RAPGEF6: variants seen among roughly 807,000 people sequenced by gnomAD.
RAPGEF6 encodes PDZ domain containing guanine nucleotide exchange factor (GEF) 2.
In RAPGEF6, 56 loss-of-function variants were observed where a neutral mutation model predicts 171.4. The ratio of observed to expected loss-of-function variants is 0.33; its 90% CI spans 0.26 to 0.41. The LOEUF (loss-of-function observed/expected upper bound fraction) is 0.41. Among genes scored for constraint, RAPGEF6 ranks in the 10% least tolerant of loss-of-function variants. The pLI is 1.00. For missense variants in RAPGEF6, 1,674 were observed against 1,921.4 expected (o/e 0.87, Z 2.41); for synonymous variants, 692 against 650.1 (o/e 1.06, Z -0.98).
intron 1 of RAPGEF6, among the ~76,000 whole-genome samples, chr5:131,616,530 T>G (rs1580683856): frequency 1.3e-5 from 2 of 152,316 alleles, no homozygotes; most frequent in South Asian, 2.1e-4. Flanking sequence ...CAACCAAAAC[T>G]TGGAAAACTC....
At chr5:131,507,997 C>A (rs906796591) in intron 9 of RAPGEF6, 74 bp downstream of exon 9, 7 of 1,312,708 alleles carry the variant, frequency 5.3e-6, no homozygotes, top group Admixed American at 5.2e-5. Context: ...AAAATCAGGA[C>A]AAATTTATGG....
At chr5:131,604,832 T>G in intron 1 of RAPGEF6, 139 bp from the exon 2 acceptor site, 2 of 1,117,268 alleles carry the variant, frequency 1.8e-6, no homozygotes, top group Non-Finnish European at 2.5e-6. Context: ...AACCTCTGAA[T>G]CATAAAAGAT....
At chr5:131,496,505 C>A (rs2149878725) in intron 12 of RAPGEF6, among the ~76,000 whole-genome samples, 1 of 152,282 alleles carries the variant, frequency 6.6e-6, no homozygotes, top group Middle Eastern at 3.4e-3. Flanking sequence ...ACTCATTAAG[C>A]TTTCACTTCC....
intron 6 of RAPGEF6, among the ~76,000 whole-genome samples, chr5:131,544,646 T>C (rs1014124800): frequency 6.6e-6 from 1 of 152,198 alleles, no homozygotes; most frequent in African/African-American, 2.4e-5. Context: ...AGGTTTATTA[T>C]ACATATGTCA....
chr5:131,579,162 G>C (rs1762778198), intron 4 of RAPGEF6, among the ~76,000 whole-genome samples: 1 of 152,210 alleles, frequency 6.6e-6, no homozygotes, highest in South Asian at 2.1e-4. Flanking sequence ...CTCTGGAGTT[G>C]TTCGCTCCTC....
chr5:131,550,042 C>T (rs1231249707), intron 5 of RAPGEF6, among the ~76,000 whole-genome samples: 1 of 152,056 alleles, frequency 6.6e-6, no homozygotes, highest in Non-Finnish European at 1.5e-5. Flanking sequence ...TTCTCAGCAC[C>T]CCTGCTTGTC....
At chr5:131,494,685 CAT>C (rs1305423399) in intron 13 of RAPGEF6, among the ~76,000 whole-genome samples, 8 of 152,160 alleles carry the variant, frequency 5.3e-5, no homozygotes, top group Admixed American at 1.3e-4. Context: ...ATAGTCATCA[CAT>C]GTGTGTTTTA....
intron 6 of RAPGEF6, among the ~76,000 whole-genome samples, chr5:131,544,392 C>T (rs1184206987): frequency 1.3e-5 from 2 of 151,998 alleles, no homozygotes; most frequent in East Asian, 3.8e-4. Flanking sequence ...AATTGATGCA[C>T]ACGACAGGGA....
intron 13 of RAPGEF6, among the ~76,000 whole-genome samples, chr5:131,494,208 A>G (rs139681196): frequency 4.6e-5 from 7 of 152,358 alleles, no homozygotes; most frequent in Middle Eastern, 3.4e-3. Flanking sequence ...CTGAGTTTAC[A>G]AATCTAGCAA....
Position 131,461,919 on chromosome 5 carries a change from A to G in RAPGEF6, c.2650T>C (p.Tyr884His). ...DLFRNIEPTEYIDDLFKLNSK... is the reference protein window; with the variant it reads ...DLFRNIEPTEHIDDLFKLNSK... ...TTTAACTTAAAAAGGTCATCGATGT[A>G]CTCAGTCGGTTCAATATTACGAAAC... The change falls in exon 19 of 28, where the codon TAC (tyrosine) becomes CAC (histidine). Residue 884 changes from tyrosine to histidine, a missense_variant. By Grantham distance (83) the Tyr-to-His change is moderately conservative (BLOSUM62 2). This residue lies in a region of RAPGEF6 where 1,116 missense variants were observed against 1,321.5 expected (regional missense o/e 0.84). Transcript: ENST00000509018. 3.1e-6 allele frequency: 5 copies of G among 1,614,136 alleles called. No individual in the cohort carries two copies. Among genetic ancestry groups the G allele is most frequent in the Non-Finnish European group, 3.4e-6 (4 of 1,179,992 alleles).
intron 15 of RAPGEF6, among the ~76,000 whole-genome samples, chr5:131,487,954 C>A (rs1234392418): frequency 1.3e-5 from 2 of 151,836 alleles, no homozygotes; most frequent in African/African-American, 2.4e-5. Flanking sequence ...ATTAAAATTC[C>A]AGAATAGAAA....
intron 3 of RAPGEF6, among the ~76,000 whole-genome samples, chr5:131,601,154 C>T (rs1047939872): frequency 4.6e-5 from 7 of 151,200 alleles, no homozygotes; most frequent in African/African-American, 9.7e-5. Flanking sequence ...GAGGCCGAGG[C>T]GGGTGGATCA....
At chr5:131,450,914 A>G (rs1178365861) in intron 21 of RAPGEF6, among the ~76,000 whole-genome samples, 2 of 152,198 alleles carry the variant, frequency 1.3e-5, no homozygotes, top group Non-Finnish European at 2.9e-5. Flanking sequence ...TCCTTTGCTC[A>G]TTACTGAAGT....
At chr5:131,623,201 T>C (rs1216913300) in intron 1 of RAPGEF6, among the ~76,000 whole-genome samples, 1 of 152,178 alleles carries the variant, frequency 6.6e-6, no homozygotes, top group African/African-American at 2.4e-5. Context: ...TAATCTATAT[T>C]TTTCTGTGAT....
chr5:131,540,491 G>T (rs147589394), intron 6 of RAPGEF6, among the ~76,000 whole-genome samples: 2 of 152,206 alleles, frequency 1.3e-5, no homozygotes, highest in Non-Finnish European at 2.9e-5. Flanking sequence ...GAGCCCAGGA[G>T]TTTGAGCTTA....
intron 4 of RAPGEF6, among the ~76,000 whole-genome samples, chr5:131,569,384 G>C (rs1561570201): frequency 6.6e-6 from 1 of 152,098 alleles, no homozygotes; most frequent in Non-Finnish European, 1.5e-5. Context: ...AAAGGAGACA[G>C]AACAAATGGT....
chr5:131,477,430 C>G (rs942541764), intron 16 of RAPGEF6, among the ~76,000 whole-genome samples: 10 of 152,166 alleles, frequency 6.6e-5, no homozygotes, highest in African/African-American at 2.2e-4. Flanking sequence ...AGCAAGAGAC[C>G]CAATAATCCC....
intron 5 of RAPGEF6, among the ~76,000 whole-genome samples, chr5:131,561,660 CAAAAA>C (rs35691525): frequency 2.4e-3 from 218 of 90,900 alleles, no homozygotes; most frequent in African/African-American, 8.4e-3. Context: ...AACTCTGTCT[CAAAAA>C]AAAAAAAAAA....
chr5:131,500,727 C>T (rs982094589), intron 11 of RAPGEF6, among the ~76,000 whole-genome samples: 3 of 152,074 alleles, frequency 2.0e-5, no homozygotes, highest in Non-Finnish European at 2.9e-5. Flanking sequence ...CTCTCTTGCT[C>T]TTCCATCTTA....
Sources: gnomAD v4.1 joint callset for allele counts (sites outside exome capture counted in the v4.1 genomes callset) on GRCh38, gnomAD v4.1.1 for gene constraint, gnomAD v4.1.1 regional missense constraint, MANE v1.5 for transcripts, NCBI Gene and HGNC (gene_info 2026-07-23, HGNC 2026-07-21) for gene names.